The following CAPN8 variants were observed in gnomAD, a reference collection of about 807,000 sequenced individuals.
CAPN8 encodes calpain 8.
Under a neutral mutation model 80.9 loss-of-function variants are expected in CAPN8, and 87 were observed. The observed-to-expected ratio is 1.07, with a 90% CI of 0.90 to 1.28. The LOEUF (loss-of-function observed/expected upper bound fraction) is 1.28, where lower values mean the gene tolerates loss of function less well. CAPN8 is among the 50% of genes most tolerant of loss of function. The pLI, the probability that CAPN8 is intolerant of heterozygous loss-of-function variation, is 0.00. For missense variants in CAPN8, 757 were observed against 702.0 expected, an observed-to-expected ratio of 1.08 and a Z score of -0.89; for synonymous variants, 299 against 273.8, an observed-to-expected ratio of 1.09 and a Z score of -0.91.
At chr1:223,625,923 C>T (rs1205852989) in intron 5 of CAPN8, 35 bp from the exon 6 acceptor site, 20 of 1,520,080 alleles carry the variant, frequency 1.3e-5, no homozygotes, top group Non-Finnish European at 1.8e-5. Context: ...AGTGGCTGAC[C>T]CTGACCTCTC....
intron 9 of CAPN8, among the ~76,000 whole-genome samples, chr1:223,616,489 C>T (rs944729817): frequency 6.6e-6 from 1 of 152,228 alleles, no homozygotes; most frequent in Non-Finnish European, 1.5e-5. Context: ...TGGGGAAAGA[C>T]TTAACATCAC....
chr1:223,655,970 CAG>C (rs1658474276), intron 1 of CAPN8, among the ~76,000 whole-genome samples: 1 of 152,042 alleles, frequency 6.6e-6, no homozygotes, highest in Non-Finnish European at 1.5e-5. Flanking sequence ...GAAGAAAGGG[CAG>C]ATCAGAAAGG....
chr1:223,545,282 A>G lies in CAPN8; in HGVS notation c.1782T>C (p.Thr594=), dbSNP rs894466661. The G allele has an allele frequency of 3.2e-6, 5 of 1,551,488 alleles. No homozygotes were observed. In the African/African-American group the frequency reaches 6.8e-5, roughly 21 times the overall value. ...ISLLDSNGTG[T]LGAVEFKTLW... ...GCGTCTTGAATTCCACCGCCCCCAA[A>G]GTGCCCGTTCCATTGCTCTAGGCAC... The change falls in exon 17 of 21, where the codon ACT becomes ACC. Residue 594 remains threonine (T), a synonymous_variant. Coordinates refer to ENST00000366872, the MANE Select transcript of CAPN8 (RefSeq NM_001143962.2).
intron 8 of CAPN8, 94 bp from the exon 9 acceptor site, chr1:223,619,547 G>T (rs967897479): frequency 9.9e-6 from 13 of 1,315,312 alleles, no homozygotes; most frequent in Non-Finnish European, 1.4e-5. Context: ...CTGTGGCACA[G>T]GCCCTAGAGG....
At chr1:223,641,086 T>G (rs1351877833) in intron 2 of CAPN8, among the ~76,000 whole-genome samples, 2 of 152,132 alleles carry the variant, frequency 1.3e-5, no homozygotes, top group African/African-American at 4.8e-5. Context: ...GTCAAAGTAT[T>G]GAAGGACGGC....
intron 9 of CAPN8, 102 bp downstream of exon 9, chr1:223,619,189 GTC>G: frequency 7.3e-7 from 1 of 1,367,382 alleles, no homozygotes; most frequent in South Asian, 1.4e-5. Flanking sequence ...GCAAGGCCCT[GTC>G]TCAAAAAAAC....
chr1:223,627,810 G>A (rs995724127), intron 4 of CAPN8, among the ~76,000 whole-genome samples, 199 bp downstream of exon 4: 1 of 152,188 alleles, frequency 6.6e-6, no homozygotes, highest in African/African-American at 2.4e-5. Flanking sequence ...AGGCAGAGCT[G>A]AGATGCTAAA....
rs35360177 is a variant in CAPN8, at chr1:223,543,029, A to G, written c.2088+79T>C. ...GGAACTAAGACAGCCAACAGGAATA[A>G]GCATCACTTGGCAGCTACATGGTCC... is the stretch of plus-strand genomic sequence containing the variant. On this transcript the variant is annotated intron_variant, in intron 20 of 20. Coordinates refer to ENST00000366872, the MANE Select transcript of CAPN8 (RefSeq NM_001143962.2). 203 of 1,471,536 alleles carry G rather than the reference A, an allele frequency of 1.4e-4. 1 individual carries two copies. The highest frequency in any genetic ancestry group is 3.4e-4 in the Admixed American group (17 of 50,276). The allele number at this position is 1,471,536 out of a possible 1,614,324, so 91.2% of individuals were successfully genotyped here. A position where few individuals can be genotyped will look rare whatever the true frequency, so the allele number is the denominator to read the frequency against.
At position 223,656,676 on chromosome 1, in the gene CAPN8, G is replaced by GTTT. The variant is rs201821198; in HGVS notation, c.238-2280_238-2278dup. Reference sequence around the variant, plus strand: ...ACATACACACGTTTTGGGTTTTTTTGTTTTGTTTTTTTTTTTTTTTTTTTT... The same window carrying GTTT: ...ACATACACACGTTTTGGGTTTTTTTGTTTTTTTGTTTTTTTTTTTTTTTTTTTT... On this transcript the variant is annotated intron_variant, in intron 1 of 20. Transcript: ENST00000366872. Among the ~76,000 whole-genome samples the GTTT allele has an allele frequency of 1.6e-3, 144 of 88,302 alleles. 2 individuals carry two copies. The highest frequency in any genetic ancestry group is 1.8e-3 in the Admixed American group (13 of 7,414). The allele number at this position is 88,302 out of a possible 152,430, so 57.9% of individuals were successfully genotyped here. A position where few individuals can be genotyped will look rare whatever the true frequency, so the allele number is the denominator to read the frequency against.
At chr1:223,543,665 C>T (rs1355124124) in intron 19 of CAPN8, among the ~76,000 whole-genome samples, 1 of 152,154 alleles carries the variant, frequency 6.6e-6, no homozygotes. Context: ...AGAGGGCACC[C>T]CCCATCCCTT....
chr1:223,638,371 G>A (rs1337826622), intron 2 of CAPN8, among the ~76,000 whole-genome samples: 3 of 152,096 alleles, frequency 2.0e-5, no homozygotes, highest in Non-Finnish European at 4.4e-5. Flanking sequence ...GTGTGTGTGT[G>A]TGTGTGTATG....
At chr1:223,612,964 C>T (rs1478630317) in intron 10 of CAPN8, among the ~76,000 whole-genome samples, 1 of 152,130 alleles carries the variant, frequency 6.6e-6, no homozygotes, top group African/African-American at 2.4e-5. Flanking sequence ...TAGCCTAGCT[C>T]GAGTTGGGCT....
At chr1:223,650,805 T>G (rs768390659) in intron 2 of CAPN8, among the ~76,000 whole-genome samples, 22 of 152,168 alleles carry the variant, frequency 1.4e-4, no homozygotes, top group Non-Finnish European at 1.8e-4. Context: ...TATATGGGTA[T>G]GACTTACTAT....
chr1:223,637,632 C>A lies in CAPN8; in HGVS notation c.308-8852G>T, dbSNP rs141871373. On this transcript the variant is annotated intron_variant, in intron 2 of 20. Coordinates refer to ENST00000366872, the MANE Select transcript of CAPN8 (RefSeq NM_001143962.2). ...CCAGCCTCCAACCCTCCTGGAGTTCCTCTCCCTTCCGGCTTAAGGGGTAGC... is the reference window on the plus strand; with the variant it reads ...CCAGCCTCCAACCCTCCTGGAGTTCATCTCCCTTCCGGCTTAAGGGGTAGC... Among the ~76,000 whole-genome samples, 266 of 152,300 alleles carry A rather than the reference C, an allele frequency of 1.7e-3. 2 individuals carry two copies. Among genetic ancestry groups the A allele is most frequent in the African/African-American group, 6.2e-3 (258 of 41,554 alleles).
At chr1:223,649,773 C>A (rs1412411182) in intron 2 of CAPN8, among the ~76,000 whole-genome samples, 2 of 152,172 alleles carry the variant, frequency 1.3e-5, no homozygotes, top group African/African-American at 4.8e-5. Flanking sequence ...GGGATTTACA[C>A]CAACAGATCA....
chr1:223,650,688 T>C (rs1346139367), intron 2 of CAPN8, among the ~76,000 whole-genome samples: 3 of 151,976 alleles, frequency 2.0e-5, no homozygotes, highest in African/African-American at 7.3e-5. Flanking sequence ...ACAATGCCGT[T>C]CCCCTTCCAT....
At chr1:223,639,188 C>T (rs983708741) in intron 2 of CAPN8, among the ~76,000 whole-genome samples, 2 of 151,990 alleles carry the variant, frequency 1.3e-5, no homozygotes, top group Non-Finnish European at 1.5e-5. Flanking sequence ...TGCAGTGAGC[C>T]GAGATAGTGC....
At chr1:223,613,635 G>A (rs1306405649) in intron 10 of CAPN8, among the ~76,000 whole-genome samples, 2 of 152,252 alleles carry the variant, frequency 1.3e-5, no homozygotes, top group Admixed American at 6.5e-5. Context: ...GATCCTGACT[G>A]CAAATGACAG....
chr1:223,557,581 G>A (rs1167027513), intron 13 of CAPN8, among the ~76,000 whole-genome samples: 1 of 152,168 alleles, frequency 6.6e-6, no homozygotes, highest in Non-Finnish European at 1.5e-5. Context: ...AGGGAGTGAG[G>A]TGGTGAACCC....
Sources: allele counts gnomAD v4.1 joint callset (sites outside exome capture counted in the v4.1 genomes callset), GRCh38; gene constraint gnomAD v4.1.1; transcripts MANE v1.5; gene names NCBI Gene and HGNC (gene_info 2026-07-23, HGNC 2026-07-21).